PKNOX2: variants seen among roughly 807,000 people sequenced by gnomAD.
PKNOX2 encodes the protein homeobox protein PKNOX2.
A neutral mutation model predicts 53.1 loss-of-function variants in PKNOX2; 14 were observed. The observed-to-expected ratio is 0.26, with a 90% CI of 0.17 to 0.41. The LOEUF (loss-of-function observed/expected upper bound fraction) is 0.41. Among genes scored for constraint, PKNOX2 ranks in the 10% least tolerant of loss-of-function variants. The pLI is 1.00. For synonymous variants in PKNOX2, 257 were observed against 242.8 expected (o/e 1.06, Z -0.54); for missense variants, 496 against 602.8 (o/e 0.82, Z 1.85).
At chr11:125,387,779 T>C (rs1375422123) in intron 6 of PKNOX2, among the ~76,000 whole-genome samples, 2 of 152,136 alleles carry the variant, frequency 1.3e-5, no homozygotes, top group Non-Finnish European at 2.9e-5. Flanking sequence ...ACCTGATTTA[T>C]CTAGTTGAGT....
intron 4 of PKNOX2, among the ~76,000 whole-genome samples, chr11:125,357,589 G>A (rs1040063435): frequency 6.6e-6 from 1 of 151,054 alleles, no homozygotes; most frequent in Non-Finnish European, 1.5e-5. Context: ...ATCCAAGTCA[G>A]CAGCGGGTCT....
At chr11:125,323,280 A>C (rs840021) in intron 2 of PKNOX2, among the ~76,000 whole-genome samples, 151,648 of 152,238 alleles carry the variant, frequency 1, 75,531 homozygotes, top group Middle Eastern at 1. Flanking sequence ...CCTTTCAAAT[A>C]CCAACTCTTC....
intron 2 of PKNOX2, among the ~76,000 whole-genome samples, chr11:125,304,555 C>T (rs1225079554): frequency 6.6e-6 from 1 of 152,242 alleles, no homozygotes; most frequent in African/African-American, 2.4e-5. Flanking sequence ...CTGGAGGGAA[C>T]AGAACCAAGG....
intron 1 of PKNOX2, among the ~76,000 whole-genome samples, chr11:125,220,017 C>A (rs1364366182): frequency 1.3e-5 from 2 of 151,990 alleles, no homozygotes; most frequent in African/African-American, 4.8e-5. Context: ...AATTGAAGAC[C>A]AATTCATTAA....
chr11:125,392,279 A>G (rs1269014039), intron 6 of PKNOX2, among the ~76,000 whole-genome samples: 3 of 152,212 alleles, frequency 2.0e-5, no homozygotes, highest in African/African-American at 7.2e-5. Flanking sequence ...GCTCAGAGAA[A>G]TCATGGAATT....
At chr11:125,426,505 C>G (rs10893378) in intron 10 of PKNOX2, among the ~76,000 whole-genome samples, 54,264 of 151,990 alleles carry the variant, frequency 0.36, 9,987 homozygotes, top group South Asian at 0.48. Flanking sequence ...CGGCCACTAG[C>G]TCTGCTCAAG....
At chr11:125,247,181 A>T (rs12805092) in intron 2 of PKNOX2, among the ~76,000 whole-genome samples, 1 of 151,832 alleles carries the variant, frequency 6.6e-6, no homozygotes. Flanking sequence ...TCCCGGCAGG[A>T]TTTTGGGCTT....
chr11:125,270,691 A>G (rs970567376), intron 2 of PKNOX2, among the ~76,000 whole-genome samples: 1 of 152,222 alleles, frequency 6.6e-6, no homozygotes, highest in African/African-American at 2.4e-5. Flanking sequence ...TGGACTCCTC[A>G]GCCTGTAATT....
At chr11:125,233,172 A>G (rs915994444) in intron 1 of PKNOX2, among the ~76,000 whole-genome samples, 13 of 152,204 alleles carry the variant, frequency 8.5e-5, no homozygotes, top group Non-Finnish European at 1.5e-5. Flanking sequence ...TAAAAGTTTT[A>G]TAACAATCTT....
intron 10 of PKNOX2, among the ~76,000 whole-genome samples, chr11:125,414,770 C>CTT (rs1955782021): frequency 1.3e-5 from 2 of 151,190 alleles, no homozygotes; most frequent in Non-Finnish European, 2.9e-5. Context: ...GAAGCTAATA[C>CTT]TTATTTCCCA....
chr11:125,398,020 G>T lies in PKNOX2; in HGVS notation c.546G>T (p.Gly182=), dbSNP rs759206442. The change falls in exon 7 of 13, where the codon GGG becomes GGT. Residue 182 remains glycine (G), a synonymous_variant. Transcript: ENST00000298282. The part of the protein sequence containing the change: ...SDNLLRNDLG[G]PYSPNQPSIN... ...ACCTGCTCAGGAATGATCTAGGGGGGCCCTACTCCCCCAACCAGCCCTCCA... is the reference window on the plus strand; with the variant it reads ...ACCTGCTCAGGAATGATCTAGGGGGTCCCTACTCCCCCAACCAGCCCTCCA... 1.2e-6 allele frequency: 2 copies of T among 1,613,488 alleles called. No individual in the cohort carries two copies. Among genetic ancestry groups the T allele is most frequent in the South Asian group, 2.2e-5 (2 of 90,942 alleles).
At chr11:125,413,157 A>G (rs1326480735) in intron 10 of PKNOX2, among the ~76,000 whole-genome samples, 2 of 152,208 alleles carry the variant, frequency 1.3e-5, no homozygotes, top group East Asian at 3.9e-4. Flanking sequence ...GACTAGTCTG[A>G]ACACCTACAG....
At chr11:125,264,817 C>G (rs144025318) in intron 2 of PKNOX2, among the ~76,000 whole-genome samples, 1 of 152,076 alleles carries the variant, frequency 6.6e-6, no homozygotes, top group African/African-American at 2.4e-5. Flanking sequence ...GTGGGGGACT[C>G]GAGAAGGCGG....
intron 2 of PKNOX2, chr11:125,287,852 C>T (rs999169216): frequency 1.3e-5 from 2 of 152,338 alleles, no homozygotes; most frequent in African/African-American, 4.8e-5. Context: ...TCCAGGGATT[C>T]TATCCCCAAG....
intron 2 of PKNOX2, among the ~76,000 whole-genome samples, chr11:125,254,577 G>T (rs112192365): frequency 1.6e-4 from 25 of 152,318 alleles, no homozygotes; most frequent in African/African-American, 5.3e-4. Flanking sequence ...GTTCTGACCC[G>T]CCTAACTCAC....
Position 125,303,170 on chromosome 11 carries a change from G to A in PKNOX2, c.-129-28649G>A, listed in dbSNP as rs548940812. Among the ~76,000 whole-genome samples, 11 of 152,294 alleles carry A rather than the reference G, an allele frequency of 7.2e-5. No individual in the cohort carries two copies. In the East Asian group the frequency reaches 2.1e-3, roughly 29 times the overall value. On this transcript the variant is annotated intron_variant, in intron 2 of 12. Transcript: ENST00000298282. Reference sequence around the variant, plus strand: ...ACCTGACCTGCAGCTGGGACCCCAGGCCACAGAAATAAACATAACCTAAAT... The same window carrying A: ...ACCTGACCTGCAGCTGGGACCCCAGACCACAGAAATAAACATAACCTAAAT...
At chr11:125,376,814 T>C (rs1591547909) in intron 5 of PKNOX2, among the ~76,000 whole-genome samples, 1 of 152,178 alleles carries the variant, frequency 6.6e-6, no homozygotes, top group Non-Finnish European at 1.5e-5. Context: ...CACCATGCCA[T>C]GAGGAAGACA....
intron 1 of PKNOX2, among the ~76,000 whole-genome samples, chr11:125,202,723 G>T (rs527513331): frequency 2.2e-4 from 34 of 151,982 alleles, no homozygotes; most frequent in Non-Finnish European, 3.8e-4. Context: ...TGTGGGTTGG[G>T]GGGGAGGGGT....
intron 2 of PKNOX2, among the ~76,000 whole-genome samples, chr11:125,267,542 T>G (rs1009952092): frequency 6.6e-6 from 1 of 152,230 alleles, no homozygotes; most frequent in African/African-American, 2.4e-5. Context: ...GGGTGCTTTC[T>G]AGCTCCGCTC....
Sources: gnomAD v4.1 joint callset for allele counts (sites outside exome capture counted in the v4.1 genomes callset) on GRCh38, gnomAD v4.1.1 for gene constraint, MANE v1.5 for transcripts, NCBI Gene and HGNC (gene_info 2026-07-23, HGNC 2026-07-21) for gene names.